WWC2: variants seen among roughly 807,000 people sequenced by gnomAD.
The protein encoded by WWC2 is protein WWC2.
A neutral mutation model predicts 138.5 loss-of-function variants in WWC2; 101 were observed. The observed-to-expected ratio is 0.73, with a 90% CI of 0.62 to 0.86. The LOEUF is 0.86. Among genes scored for constraint, WWC2 ranks in the 40% least tolerant of loss-of-function variants. The probability of loss-of-function intolerance (pLI) is 0.00; values close to 1 mark genes in which losing one functional copy is unlikely to be tolerated. For synonymous variants in WWC2, 558 were observed against 538.4 expected, an observed-to-expected ratio of 1.04 and a Z score of -0.50; for missense variants, 1,420 against 1,419.4, an observed-to-expected ratio of 1.00 and a Z score of -0.01.
At chr4:183,312,590 C>G in intron 22 of WWC2, 122 bp downstream of exon 22, 1 of 1,381,426 alleles carries the variant, frequency 7.2e-7, no homozygotes, top group Non-Finnish European at 9.8e-7. Context: ...CTGTTCTCTA[C>G]CTTGAATATA....
At chr4:183,301,558 T>C (rs570870098) in intron 21 of WWC2, among the ~76,000 whole-genome samples, 2 of 152,348 alleles carry the variant, frequency 1.3e-5, no homozygotes, top group African/African-American at 4.8e-5. Flanking sequence ...TTGTGGGTTA[T>C]TTAGCTTTCC....
intron 1 of WWC2, among the ~76,000 whole-genome samples, chr4:183,133,444 A>G (rs1197919860): frequency 6.6e-6 from 1 of 150,954 alleles, no homozygotes; most frequent in Non-Finnish European, 1.5e-5. Context: ...TTTTTGTTTT[A>G]TATCTATGTT....
At chr4:183,245,609 T>G in intron 6 of WWC2, 64 bp downstream of exon 6, 1 of 1,474,694 alleles carries the variant, frequency 6.8e-7, no homozygotes, top group Non-Finnish European at 9.0e-7. Flanking sequence ...AAACTCTTAC[T>G]GGGGCAGAAG....
chr4:183,203,020 T>C (rs1193500839), intron 2 of WWC2, among the ~76,000 whole-genome samples: 1 of 152,190 alleles, frequency 6.6e-6, no homozygotes, highest in African/African-American at 2.4e-5. Context: ...AAGAACCTGC[T>C]CAAGGTCACA....
intron 6 of WWC2, among the ~76,000 whole-genome samples, chr4:183,247,585 CTATA>C (rs200419292): frequency 1.5e-4 from 21 of 135,956 alleles, no homozygotes; most frequent in Non-Finnish European, 2.8e-4. Flanking sequence ...ATACTATATA[CTATA>C]TATATGCTAT....
intron 1 of WWC2, among the ~76,000 whole-genome samples, chr4:183,154,735 C>A (rs1005990089): frequency 6.6e-6 from 1 of 152,188 alleles, no homozygotes; most frequent in Non-Finnish European, 1.5e-5. Flanking sequence ...CTCTTGCAGC[C>A]ATCCCCCACA....
intron 1 of WWC2, among the ~76,000 whole-genome samples, chr4:183,173,078 T>G (rs1278500191): frequency 6.6e-6 from 1 of 151,742 alleles, no homozygotes; most frequent in African/African-American, 2.4e-5. Context: ...CACAGGGTGC[T>G]CTGTCACCCA....
At chr4:183,126,114 C>T (rs1342212986) in intron 1 of WWC2, among the ~76,000 whole-genome samples, 1 of 152,228 alleles carries the variant, frequency 6.6e-6, no homozygotes, top group African/African-American at 2.4e-5. Flanking sequence ...TCAGTTCCTC[C>T]ATGTGTCCAT....
intron 21 of WWC2, among the ~76,000 whole-genome samples, chr4:183,304,142 G>C (rs72703409): frequency 0.081 from 12,352 of 152,060 alleles, 623 homozygotes; most frequent in African/African-American, 0.14. Flanking sequence ...ATTCTTCTTA[G>C]ATCAGTTAGA....
In WWC2 at chr4:183,261,274, T is replaced by G; in HGVS notation, c.1651T>G (p.Ser551Ala). 1 of 1,613,456 alleles carries G rather than the reference T, an allele frequency of 6.2e-7. No homozygotes were observed. The highest frequency in any genetic ancestry group is 1.7e-5 in the Admixed American group (1 of 59,950). The change falls in exon 11 of 23, where the codon TCC (serine) becomes GCC (alanine). Residue 551 changes from serine to alanine, a missense_variant. Coordinates refer to ENST00000403733, the MANE Select transcript of WWC2 (RefSeq NM_024949.6). The stretch of plus-strand genomic sequence containing the variant: ...TGTGGCCTCCCTGTCCTCGAGGTCC[T>G]CCCTTTCCTCCTTGTCTCCTCCAGG... ...KSVASLSSRSSLSSLSPPGSP... is the reference protein window; with the variant it reads ...KSVASLSSRSALSSLSPPGSP...
intron 21 of WWC2, among the ~76,000 whole-genome samples, chr4:183,290,874 C>T (rs1294447343): frequency 6.6e-6 from 1 of 152,180 alleles, no homozygotes; most frequent in Non-Finnish European, 1.5e-5. Context: ...ATAGTACTGT[C>T]AGGAAAGTGT....
chr4:183,263,334 G>T (rs1219948307), intron 11 of WWC2, among the ~76,000 whole-genome samples: 1 of 152,188 alleles, frequency 6.6e-6, no homozygotes, highest in Non-Finnish European at 1.5e-5. Flanking sequence ...CCTAAAGTCT[G>T]TCACCCACCC....
intron 2 of WWC2, among the ~76,000 whole-genome samples, chr4:183,201,965 G>A (rs962413639): frequency 6.6e-6 from 1 of 152,146 alleles, no homozygotes; most frequent in African/African-American, 2.4e-5. Flanking sequence ...AGGGAAGGGG[G>A]CATACTACAC....
chr4:183,113,528 GCGCGCACA>G (rs1732316090), intron 1 of WWC2, among the ~76,000 whole-genome samples: 3 of 148,456 alleles, frequency 2.0e-5, no homozygotes, highest in African/African-American at 2.5e-5. Context: ...GCGCGCGTGC[GCGCGCACA>G]TGCACGTGCA....
chr4:183,144,386 T>C (rs754731973), intron 1 of WWC2, among the ~76,000 whole-genome samples: 6 of 150,166 alleles, frequency 4.0e-5, no homozygotes, highest in Non-Finnish European at 7.4e-5. Flanking sequence ...ACTCTGAAAC[T>C]TTAAAAAAAC....
At chr4:183,234,559 A>G (rs1219108447) in intron 4 of WWC2, among the ~76,000 whole-genome samples, 3 of 152,198 alleles carry the variant, frequency 2.0e-5, no homozygotes, top group Non-Finnish European at 1.5e-5. Context: ...TTATCATGCC[A>G]TTAATAACAA....
At chr4:183,215,431 T>A (rs982223555) in intron 4 of WWC2, among the ~76,000 whole-genome samples, 3 of 151,796 alleles carry the variant, frequency 2.0e-5, no homozygotes, top group African/African-American at 7.3e-5. Context: ...ATGAGATGAC[T>A]TGACTTACAT....
intron 1 of WWC2, among the ~76,000 whole-genome samples, chr4:183,103,027 A>G (rs1010732257): frequency 4.7e-4 from 71 of 152,144 alleles, no homozygotes; most frequent in Non-Finnish European, 5.1e-4. Context: ...CTCATTTTCT[A>G]TCCTTGGATT....
At position 183,319,150 on chromosome 4, in the gene WWC2, T is replaced by C. The variant is rs1739546252; in HGVS notation, c.*3421T>C. On this transcript the variant is annotated 3_prime_UTR_variant, in exon 23 of 23. Transcript: ENST00000403733. ...TTATATAATAAGACGTCATGCATTT[T>C]AAATAAATATGCAACAAGACCTCAG... 6.2e-6 allele frequency: 1 copy of C among 162,146 alleles called. No homozygotes were observed. The highest frequency in any genetic ancestry group is 1.6e-4 in the South Asian group (1 of 6,074). The allele number at this position is 162,146 out of a possible 1,614,324, so 10.0% of individuals were successfully genotyped here. A position where few individuals can be genotyped will look rare whatever the true frequency, so the allele number is the denominator to read the frequency against.
Sources: allele counts gnomAD v4.1 joint callset (sites outside exome capture counted in the v4.1 genomes callset), GRCh38; gene constraint gnomAD v4.1.1; transcripts MANE v1.5; gene names NCBI Gene and HGNC (gene_info 2026-07-23, HGNC 2026-07-21).